PRKACB: variants seen among roughly 807,000 people sequenced by gnomAD.
The protein encoded by PRKACB is cAMP-dependent protein kinase catalytic subunit beta.
Under a neutral mutation model 51.4 loss-of-function variants are expected in PRKACB, and 16 were observed. The observed-to-expected ratio is 0.31, with a 90% confidence interval of 0.21 to 0.47. PRKACB has a LOEUF of 0.47. PRKACB is among the 20% of genes least tolerant of loss of function. The pLI, the probability that PRKACB is intolerant of heterozygous loss-of-function variation, is 1.00. For synonymous variants in PRKACB, 147 were observed against 154.4 expected, an observed-to-expected ratio of 0.95 and a Z score of 0.35; for missense variants, 309 against 464.5, an observed-to-expected ratio of 0.67 and a Z score of 3.08.
At chr1:84,198,857 G>A (rs182441140) in intron 7 of PRKACB, among the ~76,000 whole-genome samples, 11 of 148,016 alleles carry the variant, frequency 7.4e-5, no homozygotes, top group Admixed American at 6.7e-5. Context: ...GTGTATATGT[G>A]TATATATATA....
intron 1 of PRKACB, among the ~76,000 whole-genome samples, chr1:84,154,842 T>C (rs1655269398): frequency 6.6e-6 from 1 of 152,132 alleles, no homozygotes; most frequent in Non-Finnish European, 1.5e-5. Context: ...TAACATTCTT[T>C]TATGATGGAA....
Position 84,090,141 on chromosome 1 carries a change from A to G in PRKACB, c.46+11770A>G, listed in dbSNP as rs75823093. Among the ~76,000 whole-genome samples the G allele has an allele frequency of 1.6e-3, 241 of 152,026 alleles. 4 individuals are homozygous for G. Among genetic ancestry groups the G allele is most frequent in the Admixed American group, 4.1e-3 (62 of 15,274 alleles). ...CAGTTTTACCACATTTCTCTGATCA[A>G]CTCTGTCTCTCATTCTTCACAAGTT... On this transcript the variant is annotated intron_variant, in intron 1 of 8. Coordinates refer to the PRKACB transcript ENST00000370688.
intron 5 of PRKACB, among the ~76,000 whole-genome samples, chr1:84,186,779 T>C (rs1665242666): frequency 6.6e-6 from 1 of 152,128 alleles, no homozygotes; most frequent in Non-Finnish European, 1.5e-5. Flanking sequence ...GGGGTGTCTA[T>C]GTAGGGACCT....
rs1214531694 is a variant in PRKACB at position 84,213,545 on chromosome 1, G to A, written c.907-608G>A. 2.0e-5 allele frequency among the ~76,000 whole-genome samples: 3 copies of A among 152,116 alleles called. No homozygotes were observed. In the East Asian group the frequency reaches 5.8e-4, roughly 29 times the overall value. On this transcript the variant is annotated intron_variant, in intron 8 of 9. Transcript: ENST00000370685. ...GTAATTGTAAAGTCTTCACAATTTA[G>A]TAGGTAGAAAAATGCTTTTAAACCA...
At chr1:84,183,232 T>C (rs907617397) in intron 3 of PRKACB, among the ~76,000 whole-genome samples, 8 of 152,156 alleles carry the variant, frequency 5.3e-5, no homozygotes, top group African/African-American at 1.9e-4. Context: ...TATGTCTTGC[T>C]AAAGTCACCA....
chr1:84,220,345 A>G (rs1673515080), intron 9 of PRKACB, among the ~76,000 whole-genome samples: 1 of 152,034 alleles, frequency 6.6e-6, no homozygotes, highest in Non-Finnish European at 1.5e-5. Flanking sequence ...GAGTTCTAAG[A>G]ATATTCTGGT....
intron 1 of PRKACB, chr1:84,164,640 A>T (rs1335705389): frequency 5.7e-6 from 8 of 1,391,516 alleles, no homozygotes; most frequent in South Asian, 1.6e-5. Context: ...GTAACAACTC[A>T]TGCTGATATA....
intron 1 of PRKACB, among the ~76,000 whole-genome samples, chr1:84,170,027 A>T (rs1658900752): frequency 1.3e-5 from 2 of 151,696 alleles, no homozygotes; most frequent in Admixed American, 6.6e-5. Flanking sequence ...GCCCCTTTAA[A>T]TGAATACCTG....
In PRKACB at chr1:84,194,626, A is replaced by G. The variant is rs548470815; in HGVS notation, c.561-1990A>G. Among the ~76,000 whole-genome samples the G allele has an allele frequency of 2.6e-5, 4 of 152,302 alleles. No homozygotes were observed. The South Asian group carries it at 8.3e-4, about 32-fold the overall frequency. On this transcript the variant is annotated intron_variant, in intron 5 of 9. Coordinates refer to ENST00000370685, the MANE Select transcript of PRKACB (RefSeq NM_182948.4). The stretch of plus-strand genomic sequence containing the variant: ...TGGAACATTTTACTTTCACCTTTCA[A>G]GAATTCGATTATAGGTTGAGCACAG...
At chr1:84,082,559 A>G (rs997615654) in intron 1 of PRKACB, among the ~76,000 whole-genome samples, 1 of 152,134 alleles carries the variant, frequency 6.6e-6, no homozygotes. Flanking sequence ...TAGTTGATAA[A>G]AAAAATTATT....
At chr1:84,112,605 T>G (rs996430358) in intron 1 of PRKACB, among the ~76,000 whole-genome samples, 7 of 152,152 alleles carry the variant, frequency 4.6e-5, no homozygotes, top group African/African-American at 1.7e-4. Context: ...TTCTCATCCA[T>G]TCCATATGTA....
At chr1:84,139,236 A>G (rs1336242477) in intron 1 of PRKACB, among the ~76,000 whole-genome samples, 3 of 152,204 alleles carry the variant, frequency 2.0e-5, no homozygotes, top group African/African-American at 7.2e-5. Flanking sequence ...TTAGAAATAA[A>G]TAGTTCCTGT....
chr1:84,218,250 T>C (rs1269929708), intron 9 of PRKACB, among the ~76,000 whole-genome samples: 1 of 152,180 alleles, frequency 6.6e-6, no homozygotes, highest in Non-Finnish European at 1.5e-5. Flanking sequence ...TGCTAGAACT[T>C]ATTCCTTCTG....
At chr1:84,196,569 GTAT>G in intron 5 of PRKACB, 44 bp from the exon 6 acceptor site, 1 of 1,586,620 alleles carries the variant, frequency 6.3e-7, no homozygotes, top group Non-Finnish European at 8.6e-7. Flanking sequence ...TAATTAGAAT[GTAT>G]TAACTCATTT....
intron 1 of PRKACB, among the ~76,000 whole-genome samples, chr1:84,097,801 AAAAC>A (rs1395309641): frequency 1.3e-5 from 2 of 152,028 alleles, no homozygotes; most frequent in East Asian, 1.9e-4. Flanking sequence ...AACAAAAACA[AAAAC>A]AAAACGTGCG....
intron 4 of PRKACB, among the ~76,000 whole-genome samples, 184 bp downstream of exon 4, chr1:84,184,319 T>C (rs41301144): frequency 0.013 from 1,929 of 151,980 alleles, 54 homozygotes; most frequent in African/African-American, 0.045. Flanking sequence ...GAAAAGGTTT[T>C]GATTCTCCCT....
intron 5 of PRKACB, among the ~76,000 whole-genome samples, chr1:84,189,234 G>A (rs890138520): frequency 2.6e-5 from 4 of 151,790 alleles, no homozygotes; most frequent in African/African-American, 9.7e-5. Context: ...GTTATTGAGT[G>A]TACACTGTGT....
intron 1 of PRKACB, among the ~76,000 whole-genome samples, chr1:84,099,360 A>G (rs1557927370): frequency 1.6e-5 from 2 of 128,144 alleles, no homozygotes; most frequent in Non-Finnish European, 3.7e-5. Flanking sequence ...AGTCGAAGAC[A>G]TAGTAGTATG....
chr1:84,080,553 G>T (rs528426094), intron 1 of PRKACB, among the ~76,000 whole-genome samples: 1 of 152,152 alleles, frequency 6.6e-6, no homozygotes, highest in Non-Finnish European at 1.5e-5. Context: ...GAAATGTCAC[G>T]TGTTGATTAA....
Sources: gnomAD v4.1 joint callset for allele counts (sites outside exome capture counted in the v4.1 genomes callset) on GRCh38, gnomAD v4.1.1 for gene constraint, MANE v1.5 for transcripts, NCBI Gene and HGNC (gene_info 2026-07-23, HGNC 2026-07-21) for gene names.